CMIP: variants seen among roughly 807,000 people sequenced by gnomAD.
The protein encoded by CMIP is c-Maf inducing protein.
Under a neutral mutation model 97.3 loss-of-function variants are expected in CMIP, and 13 were observed. The observed-to-expected ratio is 0.13, with a 90% CI of 0.09 to 0.21. The LOEUF (loss-of-function observed/expected upper bound fraction) is 0.21. Ranked by LOEUF, CMIP falls within the 10% of genes least tolerant of loss-of-function variation. The pLI is 1.00. For missense variants in CMIP, 847 were observed against 1,024.9 expected, an observed-to-expected ratio of 0.83 and a Z score of 2.37; for synonymous variants, 538 against 436.3, an observed-to-expected ratio of 1.23 and a Z score of -2.91.
intron 17 of CMIP, 86 bp downstream of exon 17, chr16:81,702,755 T>C (rs975181257): frequency 8.8e-5 from 109 of 1,233,282 alleles, no homozygotes; most frequent in Non-Finnish European, 1.2e-4. Flanking sequence ...TGTCTGCTGC[T>C]GAGATGGGAG....
chr16:81,448,993 G>C (rs996144732), intron 1 of CMIP, among the ~76,000 whole-genome samples: 13 of 152,252 alleles, frequency 8.5e-5, no homozygotes, highest in African/African-American at 2.9e-4. Flanking sequence ...TAAGCGGCCG[G>C]GTTCGGCAGG....
intron 1 of CMIP, among the ~76,000 whole-genome samples, chr16:81,569,926 C>T (rs1293324727): frequency 1.3e-5 from 2 of 151,122 alleles, no homozygotes; most frequent in African/African-American, 2.4e-5. Context: ...TCTAAGCGTT[C>T]GTTATGAGTG....
chr16:81,632,101 G>T (rs2092169705), intron 3 of CMIP: 1 of 152,136 alleles, frequency 6.6e-6, no homozygotes, highest in Non-Finnish European at 1.5e-5. Context: ...TGAGTGTGAG[G>T]GAGTTCTGAC....
At chr16:81,633,836 GCACA>G (rs1358681543) in intron 3 of CMIP, among the ~76,000 whole-genome samples, 1 of 152,220 alleles carries the variant, frequency 6.6e-6, no homozygotes, top group African/African-American at 2.4e-5. Flanking sequence ...ACCTTAGAAA[GCACA>G]CCCCAGAGGT....
At chr16:81,460,112 G>C (rs1332837096) in intron 1 of CMIP, among the ~76,000 whole-genome samples, 1 of 152,078 alleles carries the variant, frequency 6.6e-6, no homozygotes, top group African/African-American at 2.4e-5. Flanking sequence ...GGCCACCCCA[G>C]AGTCAACACA....
chr16:81,469,316 C>T (rs747939998), intron 1 of CMIP, among the ~76,000 whole-genome samples: 1 of 152,230 alleles, frequency 6.6e-6, no homozygotes, highest in South Asian at 2.1e-4. Flanking sequence ...TGGGCTCTGC[C>T]ACTTGCCTGC....
At chr16:81,701,871 C>T (rs957527385) in intron 16 of CMIP, 71 bp downstream of exon 16, 5 of 1,584,756 alleles carry the variant, frequency 3.2e-6, no homozygotes, top group Non-Finnish European at 4.3e-6. Context: ...GGATGCGGGG[C>T]AGCTAGTACT....
chr16:81,510,658 C>A (rs1473155129), intron 1 of CMIP, among the ~76,000 whole-genome samples: 1 of 152,054 alleles, frequency 6.6e-6, no homozygotes, highest in Non-Finnish European at 1.5e-5. Flanking sequence ...AGTCCAAGAC[C>A]AATGTTTTTT....
intron 1 of CMIP, chr16:81,518,293 C>G (rs1313441993): frequency 6.6e-6 from 1 of 152,240 alleles, no homozygotes; most frequent in East Asian, 1.9e-4. Flanking sequence ...TCCTGGCCCA[C>G]CGGGCTTGTT....
chr16:81,510,656 A>C (rs2089793428), intron 1 of CMIP, among the ~76,000 whole-genome samples: 1 of 152,144 alleles, frequency 6.6e-6, no homozygotes, highest in South Asian at 2.1e-4. Flanking sequence ...CCAGTCCAAG[A>C]CCAATGTTTT....
intron 1 of CMIP, among the ~76,000 whole-genome samples, chr16:81,525,833 C>T (rs1369266545): frequency 6.6e-6 from 1 of 152,190 alleles, no homozygotes; most frequent in African/African-American, 2.4e-5. Flanking sequence ...GCATTTGACT[C>T]CTCTAGGAAC....
chr16:81,625,812 T>A (rs1205519477), intron 3 of CMIP, among the ~76,000 whole-genome samples: 1 of 152,184 alleles, frequency 6.6e-6, no homozygotes, highest in East Asian at 1.9e-4. Flanking sequence ...CCTTCTCGCT[T>A]CCTGAGAGGG....
intron 2 of CMIP, chr16:81,617,551 T>C (rs2091936132): frequency 6.6e-6 from 1 of 152,406 alleles, no homozygotes; most frequent in African/African-American, 2.4e-5. Flanking sequence ...AGGGCTGGGC[T>C]AGCCATCGTG....
At chr16:81,686,875 G>A (rs1351724092) in intron 10 of CMIP, among the ~76,000 whole-genome samples, 1 of 152,128 alleles carries the variant, frequency 6.6e-6, no homozygotes, top group African/African-American at 2.4e-5. Context: ...GTCGTATGTG[G>A]GTAGGGGTCC....
intron 1 of CMIP, among the ~76,000 whole-genome samples, chr16:81,579,028 G>T (rs2091250819): frequency 6.6e-6 from 1 of 152,162 alleles, no homozygotes; most frequent in African/African-American, 2.4e-5. Context: ...AAAGCAATTT[G>T]CCTCTCCTGA....
At chr16:81,517,963 A>G (rs1042038647) in intron 1 of CMIP, 16 of 970,168 alleles carry the variant, frequency 1.6e-5, no homozygotes, top group Non-Finnish European at 2.0e-5. Context: ...ACGCCAGTGG[A>G]TGTGTGGAAT....
chr16:81,554,966 G>T (rs76006132), intron 1 of CMIP, among the ~76,000 whole-genome samples: 7,500 of 152,262 alleles, frequency 0.049, 241 homozygotes, highest in Middle Eastern at 0.088. Flanking sequence ...CCCCCAGAAG[G>T]GGGGGTTTTT....
rs111530606 is a variant in CMIP at position 81,546,965 on chromosome 16, G to A, written c.301-60602G>A. Among the ~76,000 whole-genome samples the A allele has an allele frequency of 3.9e-4, 59 of 152,300 alleles. 1 individual carries two copies. Among genetic ancestry groups the A allele is most frequent in the African/African-American group, 1.3e-3 (56 of 41,572 alleles). On this transcript the variant is annotated intron_variant, in intron 1 of 20. Transcript: ENST00000537098. ...TTCCCTGCATCGCGAGAGCTCCCTG[G>A]ATGGTGCTGGGCTGCAAAGGCCACT...
At chr16:81,706,086 A>G (rs576937452) in intron 19 of CMIP, among the ~76,000 whole-genome samples, 2 of 152,310 alleles carry the variant, frequency 1.3e-5, no homozygotes, top group East Asian at 3.9e-4. Flanking sequence ...GTCATAATAG[A>G]AGGAGGCACA....
Sources: gnomAD v4.1 joint callset for allele counts (sites outside exome capture counted in the v4.1 genomes callset) on GRCh38, gnomAD v4.1.1 for gene constraint, MANE v1.5 for transcripts, NCBI Gene and HGNC (gene_info 2026-07-23, HGNC 2026-07-21) for gene names.